Variants in INPP5D observed in about 807,000 individuals in gnomAD.
INPP5D encodes inositol polyphosphate-5-phosphatase D.
In INPP5D, 33 loss-of-function variants were observed where a neutral mutation model predicts 122.9. That is an observed-to-expected ratio of 0.27 (90% CI 0.20 to 0.36). The LOEUF is 0.36. Among genes scored for constraint, INPP5D ranks in the 10% least tolerant of loss-of-function variants. The pLI, the probability that INPP5D is intolerant of heterozygous loss-of-function variation, is 1.00. For synonymous variants in INPP5D, 584 were observed against 576.2 expected (o/e 1.01, Z -0.19); for missense variants, 1,053 against 1,412.7 (o/e 0.75, Z 4.08).
At chr2:233,194,953 CA>C (rs1695144186) in intron 23 of INPP5D, among the ~76,000 whole-genome samples, 1 of 151,954 alleles carries the variant, frequency 6.6e-6, no homozygotes, top group Admixed American at 6.6e-5. Context: ...AGGTGCCCAC[CA>C]CTGGCTAATT....
intron 25 of INPP5D, among the ~76,000 whole-genome samples, chr2:233,203,806 T>G (rs1192019915): frequency 3.3e-5 from 5 of 151,982 alleles, no homozygotes; most frequent in African/African-American, 9.7e-5. Context: ...TACTCCTAGC[T>G]ACTCCCAGCT....
chr2:233,188,878 G>A lies in INPP5D; in HGVS notation c.2359-972G>A, dbSNP rs899795669. ...GCACCTGGCCTGGAACTTTCTGAAT[G>A]GAGATATAGTGAGTCTGCCCTGTTG... is the stretch of plus-strand genomic sequence containing the variant. On this transcript the variant is annotated intron_variant, in intron 21 of 26. Transcript: ENST00000445964. The surrounding 1 kb of genome is among the most constrained non-coding windows in gnomAD (Gnocchi z 4.7). Among the ~76,000 whole-genome samples the A allele has an allele frequency of 1.3e-5, 2 of 152,128 alleles. No individual in the cohort carries two copies. The highest frequency in any genetic ancestry group is 6.5e-5 in the Admixed American group (1 of 15,270).
chr2:233,122,671 G>C (rs540669080), intron 3 of INPP5D, among the ~76,000 whole-genome samples: 1 of 152,130 alleles, frequency 6.6e-6, no homozygotes, highest in Non-Finnish European at 1.5e-5. Context: ...TTCAGGCATG[G>C]TGGCTCAGGC....
In INPP5D at chr2:233,170,990, C is replaced by G; in HGVS notation, c.1901-74C>G. On this transcript the variant is annotated intron_variant, in intron 16 of 26. Transcript: ENST00000445964. This position sits in a 1 kb window ranked among gnomAD's most constrained non-coding sequence, Gnocchi z 4.5. The stretch of plus-strand genomic sequence containing the variant: ...CGTCCCCTTTCCCCTGATTTCCTAC[C>G]AGAAGAATAGGGAAAATTGGCCAGA... The G allele has an allele frequency of 1.3e-6, 2 of 1,574,214 alleles. No individual in the cohort carries two copies. The highest frequency in any genetic ancestry group is 1.2e-5 in the South Asian group (1 of 86,502).
intron 2 of INPP5D, among the ~76,000 whole-genome samples, chr2:233,118,818 G>T (rs1574741442): frequency 6.6e-6 from 1 of 152,232 alleles, no homozygotes; most frequent in Non-Finnish European, 1.5e-5. Flanking sequence ...GCCATTATCA[G>T]CTTGCCACCT....
chr2:233,111,351 TAC>T (rs150278724), intron 2 of INPP5D, among the ~76,000 whole-genome samples: 8 of 151,800 alleles, frequency 5.3e-5, no homozygotes, highest in Middle Eastern at 3.2e-3. Context: ...ATAACTTTTA[TAC>T]ACACACACAC....
chr2:233,195,150 A>T (rs1308289908), intron 23 of INPP5D, among the ~76,000 whole-genome samples: 1 of 152,124 alleles, frequency 6.6e-6, no homozygotes, highest in Non-Finnish European at 1.5e-5. Flanking sequence ...TGCTGAGACC[A>T]GTAAGTTGGA....
intron 6 of INPP5D, chr2:233,145,924 C>T (rs1693746118): frequency 7.5e-6 from 5 of 663,890 alleles, no homozygotes; most frequent in East Asian, 5.9e-5. Flanking sequence ...GTGAGAAGCA[C>T]CGGGGGAGAG....
intron 2 of INPP5D, among the ~76,000 whole-genome samples, chr2:233,090,834 G>A (rs890709235): frequency 4.6e-5 from 7 of 152,072 alleles, no homozygotes; most frequent in Non-Finnish European, 7.4e-5. Context: ...GTGCACACCT[G>A]TAATCCCAGC....
At position 233,100,984 on chromosome 2, in the gene INPP5D, A is replaced by G. The variant is rs918056387; in HGVS notation, c.199-21123A>G. Among the ~76,000 whole-genome samples, 1 of 132,254 alleles carries G rather than the reference A, an allele frequency of 7.6e-6. No homozygotes were observed. The highest frequency in any genetic ancestry group is 1.6e-5 in the Non-Finnish European group (1 of 63,288). 86.8% of individuals were successfully genotyped at this position (132,254 alleles called of 152,430 possible). On this transcript the variant is annotated intron_variant, in intron 2 of 26. Coordinates refer to ENST00000445964, the MANE Select transcript of INPP5D (RefSeq NM_001017915.3). The surrounding 1 kb of genome is among the most constrained non-coding windows in gnomAD (Gnocchi z 5.3). ...CGGTAATCCCCTCCGTGTGCCCCCA[A>G]CGAGTCATTCACCATCTTGTGCTAA...
chr2:233,086,954 T>G (rs552498727), intron 2 of INPP5D, among the ~76,000 whole-genome samples: 2 of 152,196 alleles, frequency 1.3e-5, no homozygotes, highest in Non-Finnish European at 2.9e-5. Flanking sequence ...TAATGACTTA[T>G]GTTCCTGTCA....
At chr2:233,132,885 ATTTTT>A (rs35276718) in intron 5 of INPP5D, among the ~76,000 whole-genome samples, 1 of 117,994 alleles carries the variant, frequency 8.5e-6, no homozygotes. Flanking sequence ...ATGAACAAGA[ATTTTT>A]TTTTTTTTTT....
In INPP5D at chr2:233,105,615, G is replaced by T. The variant is rs1393573754; in HGVS notation, c.199-16492G>T. 6.6e-6 allele frequency among the ~76,000 whole-genome samples: 1 copy of T among 152,200 alleles called. No homozygotes were observed. Among genetic ancestry groups the T allele is most frequent in the Admixed American group, 6.5e-5 (1 of 15,288 alleles). On this transcript the variant is annotated intron_variant, in intron 2 of 26. Coordinates refer to ENST00000445964, the MANE Select transcript of INPP5D (RefSeq NM_001017915.3). This position sits in a 1 kb window ranked among gnomAD's most constrained non-coding sequence, Gnocchi z 4.0. ...GCCGGGGGCTGAGCCGGGGGGAAGAGAGCCAGAGGGGAAGGGAAGGGTAAG... is the reference window on the plus strand; with the variant it reads ...GCCGGGGGCTGAGCCGGGGGGAAGATAGCCAGAGGGGAAGGGAAGGGTAAG...
chr2:233,142,722 T>C (rs1279899871), intron 6 of INPP5D, among the ~76,000 whole-genome samples: 1 of 152,136 alleles, frequency 6.6e-6, no homozygotes, highest in Non-Finnish European at 1.5e-5. Flanking sequence ...CCTTTTTTTT[T>C]GAAAAGTGCA....
intron 10 of INPP5D, 98 bp downstream of exon 10, chr2:233,158,517 C>T (rs1282729659): frequency 1.7e-6 from 1 of 573,568 alleles, no homozygotes; most frequent in Non-Finnish European, 3.1e-6. Context: ...CATTAGCTCA[C>T]TCAGTTCCCA....
rs753211498 is a variant in INPP5D, at chr2:233,169,174, G to A, written c.1556-131G>A. 124 of 1,377,282 alleles carry A rather than the reference G, an allele frequency of 9.0e-5. 1 individual carries two copies. Among genetic ancestry groups the A allele is most frequent in the Admixed American group, 1.9e-4 (9 of 46,192 alleles). The allele number at this position is 1,377,282 out of a possible 1,614,324, so 85.3% of individuals were successfully genotyped here. The stretch of plus-strand genomic sequence containing the variant: ...CTGCCCAGCGGCTCCCACCCTGCAC[G>A]ACCCTGTTTCGCCCATCCCTTGCCA... On this transcript the variant is annotated intron_variant, in intron 13 of 26. Coordinates refer to ENST00000445964, the MANE Select transcript of INPP5D (RefSeq NM_001017915.3).
intron 9 of INPP5D, among the ~76,000 whole-genome samples, chr2:233,153,778 T>A (rs541794035): frequency 1.3e-5 from 2 of 152,328 alleles, no homozygotes; most frequent in East Asian, 3.9e-4. Flanking sequence ...GGCTGGGAGA[T>A]GCCAGGCCTG....
chr2:233,138,170 C>T (rs929748071), intron 5 of INPP5D, among the ~76,000 whole-genome samples: 1 of 150,122 alleles, frequency 6.7e-6, no homozygotes, highest in Non-Finnish European at 1.5e-5. Flanking sequence ...TGCAACATGG[C>T]GAAGCCCCGT....
chr2:233,178,784 C>T (rs921917013), intron 18 of INPP5D, among the ~76,000 whole-genome samples: 2 of 152,242 alleles, frequency 1.3e-5, no homozygotes, highest in East Asian at 1.9e-4. Context: ...GCGCCAGGCC[C>T]AGTGGTATTA....
Sources: gnomAD v4.1 joint callset for allele counts (sites outside exome capture counted in the v4.1 genomes callset) on GRCh38, gnomAD v4.1.1 for gene constraint, Gnocchi (gnomAD v3.1) non-coding constraint, MANE v1.5 for transcripts, NCBI Gene and HGNC (gene_info 2026-07-23, HGNC 2026-07-21) for gene names.